The following ACOXL variants were observed in gnomAD, a reference collection of about 807,000 sequenced individuals.
ACOXL encodes acyl-CoA oxidase like.
ACOXL carries 70 observed loss-of-function variants against 71.9 expected under a neutral mutation model. The ratio of observed to expected loss-of-function variants is 0.97; its 90% CI spans 0.80 to 1.19. ACOXL has a LOEUF of 1.19. Among genes scored for constraint, ACOXL ranks in the 50% most tolerant of loss-of-function variants. The pLI is 0.00. For synonymous variants in ACOXL, 253 were observed against 281.6 expected, an observed-to-expected ratio of 0.90 and a Z score of 1.02; for missense variants, 703 against 736.3, an observed-to-expected ratio of 0.95 and a Z score of 0.52.
At chr2:110,854,367 G>C (rs537855801) in intron 10 of ACOXL, among the ~76,000 whole-genome samples, 1 of 152,286 alleles carries the variant, frequency 6.6e-6, no homozygotes, top group South Asian at 2.1e-4. Context: ...AGGATGTGGA[G>C]GTTCCACACC....
chr2:111,070,239 T>A (rs893976191), intron 16 of ACOXL, among the ~76,000 whole-genome samples: 2 of 152,138 alleles, frequency 1.3e-5, no homozygotes, highest in African/African-American at 4.8e-5. Context: ...AGCAAGGACA[T>A]GGAATCAACC....
chr2:111,039,063 G>A (rs1429352588), intron 15 of ACOXL, among the ~76,000 whole-genome samples: 1 of 152,188 alleles, frequency 6.6e-6, no homozygotes, highest in Non-Finnish European at 1.5e-5. Context: ...AGAATTAAAT[G>A]TGTAAATCAT....
intron 10 of ACOXL, among the ~76,000 whole-genome samples, chr2:110,906,967 A>G (rs1431018683): frequency 6.6e-6 from 1 of 152,262 alleles, no homozygotes; most frequent in Admixed American, 6.5e-5. Context: ...CAGTAGAATC[A>G]CAGCATGTAA....
chr2:111,108,119 C>T (rs2069672191), intron 17 of ACOXL, among the ~76,000 whole-genome samples: 1 of 151,858 alleles, frequency 6.6e-6, no homozygotes, highest in African/African-American at 2.4e-5. Context: ...TAAAATGTAT[C>T]GGGTTTTTCA....
Position 110,887,046 on chromosome 2 carries a change from C to G in ACOXL, c.789-21743C>G, listed in dbSNP as rs75442617. 16 of 615,064 alleles carry G rather than the reference C, an allele frequency of 2.6e-5. No individual in the cohort carries two copies. In the East Asian group the frequency reaches 4.7e-4, roughly 18 times the overall value. 38.1% of individuals were successfully genotyped at this position (615,064 alleles called of 1,614,324 possible). A position where few individuals can be genotyped will look rare whatever the true frequency, so the allele number is the denominator to read the frequency against. ...TTAGGAGATGCTGGCCTGGCGTCCA[C>G]GGGTCTGCTGTGTATGTCTCTCCAG... On this transcript the variant is annotated intron_variant, in intron 10 of 17. Transcript: ENST00000439055.
intron 16 of ACOXL, 72 bp from the exon 17 acceptor site, chr2:111,092,793 C>T (rs1258719813): frequency 1.9e-5 from 19 of 1,011,228 alleles, no homozygotes; most frequent in East Asian, 7.2e-5. Flanking sequence ...ATTTCTCTTT[C>T]GCCTCCTTAG....
intron 10 of ACOXL, chr2:110,887,183 A>G (rs1178674499): frequency 1.5e-5 from 4 of 269,638 alleles, no homozygotes; most frequent in African/African-American, 6.5e-5. Context: ...TCTCCCTGAT[A>G]TGGAAAGTGA....
chr2:111,078,234 G>A (rs2067702405), intron 16 of ACOXL, among the ~76,000 whole-genome samples: 1 of 151,972 alleles, frequency 6.6e-6, no homozygotes, highest in Admixed American at 6.6e-5. Context: ...GTTCTAAAAT[G>A]TCTACTTGAT....
intron 9 of ACOXL, among the ~76,000 whole-genome samples, chr2:110,830,122 T>C (rs1364630785): frequency 6.6e-6 from 1 of 152,216 alleles, no homozygotes; most frequent in Non-Finnish European, 1.5e-5. Flanking sequence ...CCTCCATATT[T>C]TTTCTTTAGT....
intron 14 of ACOXL, among the ~76,000 whole-genome samples, chr2:111,010,563 T>TA (rs1400673576): frequency 1.3e-5 from 2 of 152,106 alleles, no homozygotes; most frequent in East Asian, 3.8e-4. Flanking sequence ...TTTAAATTTT[T>TA]ATCAATAATG....
At chr2:111,021,450 C>T (rs1331640954) in intron 14 of ACOXL, among the ~76,000 whole-genome samples, 1 of 152,166 alleles carries the variant, frequency 6.6e-6, no homozygotes, top group East Asian at 1.9e-4. Flanking sequence ...GGAATTCTAG[C>T]TCAGTTTCAA....
At chr2:110,993,020 G>A (rs1019505657) in intron 13 of ACOXL, among the ~76,000 whole-genome samples, 1 of 152,202 alleles carries the variant, frequency 6.6e-6, no homozygotes, top group Non-Finnish European at 1.5e-5. Flanking sequence ...ATGGATCTGT[G>A]TATGGAACTC....
At chr2:110,886,963 A>G (rs1697373785) in intron 10 of ACOXL, 1 of 1,224,556 alleles carries the variant, frequency 8.2e-7, no homozygotes, top group East Asian at 2.6e-5. Flanking sequence ...TTCTCACTGC[A>G]CTATCCCAAA....
chr2:111,034,269 G>A (rs1318501268), intron 15 of ACOXL, among the ~76,000 whole-genome samples: 1 of 152,228 alleles, frequency 6.6e-6, no homozygotes, highest in African/African-American at 2.4e-5. Flanking sequence ...CTTTGTTAAT[G>A]TTTAATAAAA....
intron 10 of ACOXL, among the ~76,000 whole-genome samples, chr2:110,898,638 T>A: frequency 6.6e-6 from 1 of 152,140 alleles, no homozygotes; most frequent in Non-Finnish European, 1.5e-5. Context: ...ACATTACACG[T>A]TATGGTAAAG....
At chr2:110,735,084 G>T (rs1676664752) in intron 1 of ACOXL, among the ~76,000 whole-genome samples, 2 of 152,138 alleles carry the variant, frequency 1.3e-5, no homozygotes, top group Admixed American at 1.3e-4. Context: ...TCCAGTTCTT[G>T]TTTATTTACT....
intron 1 of ACOXL, among the ~76,000 whole-genome samples, chr2:110,737,167 A>G (rs1573259790): frequency 6.6e-6 from 1 of 152,338 alleles, no homozygotes; most frequent in Middle Eastern, 3.4e-3. Flanking sequence ...AAAATATTTA[A>G]TGAACTTATA....
chr2:110,745,035 C>T (rs1573301684), intron 1 of ACOXL, among the ~76,000 whole-genome samples: 1 of 152,346 alleles, frequency 6.6e-6, no homozygotes, highest in East Asian at 1.9e-4. Context: ...CTGCCCTTTA[C>T]CGTTCAGGTT....
intron 9 of ACOXL, among the ~76,000 whole-genome samples, chr2:110,806,149 C>A (rs1039105099): frequency 6.6e-6 from 1 of 152,236 alleles, no homozygotes; most frequent in South Asian, 2.1e-4. Context: ...AGTCCGGAGT[C>A]GTCTGAATAG....
Sources: gnomAD v4.1 joint callset for allele counts (sites outside exome capture counted in the v4.1 genomes callset) on GRCh38, gnomAD v4.1.1 for gene constraint, MANE v1.5 for transcripts, NCBI Gene and HGNC (gene_info 2026-07-23, HGNC 2026-07-21) for gene names.